The following KCNQ1 variants were observed in gnomAD, a reference collection of about 807,000 sequenced individuals.
The protein encoded by KCNQ1 is potassium voltage-gated channel subfamily Q member 1.
A neutral mutation model predicts 72.4 loss-of-function variants in KCNQ1; 49 were observed. The observed-to-expected ratio is 0.68, with a 90% CI of 0.54 to 0.86. KCNQ1 has a LOEUF of 0.86. KCNQ1 is among the 40% of genes least tolerant of loss of function. The pLI is 0.00. For synonymous variants in KCNQ1, 450 were observed against 412.6 expected (o/e 1.09, Z -1.10); for missense variants, 790 against 945.1 (o/e 0.84, Z 2.15).
chr11:2,690,024 G>T lies in KCNQ1; in HGVS notation c.1514+27943G>T. 2.5e-6 allele frequency: 1 copy of T among 398,926 alleles called. No individual in the cohort carries two copies. The highest frequency in any genetic ancestry group is 4.4e-6 in the Non-Finnish European group (1 of 226,316). 24.7% of individuals were successfully genotyped at this position (398,926 alleles called of 1,614,324 possible). ...AACTGTTGAGGAAGGTGAGCCTTCC[G>T]AGGGCCAGCCCTGCCTCTCCTCCCC... On this transcript the variant is annotated intron_variant, in intron 11 of 15. Transcript: ENST00000155840. The surrounding 1 kb of genome is among the most constrained non-coding windows in gnomAD (Gnocchi z 5.1).
chr11:2,636,917 G>C (rs538542338), intron 10 of KCNQ1: 8 of 152,064 alleles, frequency 5.3e-5, no homozygotes, highest in Non-Finnish European at 1.5e-5. Flanking sequence ...GTCTTGGAAG[G>C]GTGTATGTCT....
At chr11:2,763,647 T>C (rs2133976372) in intron 11 of KCNQ1, among the ~76,000 whole-genome samples, 1 of 152,290 alleles carries the variant, frequency 6.6e-6, no homozygotes, top group Non-Finnish European at 1.5e-5. Context: ...AGCCTTGAGC[T>C]CCTGGGCTCA....
rs1023021558 is a variant in KCNQ1 at position 2,679,825 on chromosome 11, C to T, written c.1514+17744C>T. 2.5e-6 allele frequency: 1 copy of T among 398,626 alleles called. No homozygotes were observed. Among genetic ancestry groups the T allele is most frequent in the Non-Finnish European group, 4.4e-6 (1 of 226,066 alleles). 24.7% of individuals were successfully genotyped at this position (398,626 alleles called of 1,614,324 possible). On this transcript the variant is annotated intron_variant, in intron 11 of 15. Coordinates refer to ENST00000155840, the MANE Select transcript of KCNQ1 (RefSeq NM_000218.3). This position sits in a 1 kb window ranked among gnomAD's most constrained non-coding sequence, Gnocchi z 4.8. ...AGGAGCACAAGGGGCCAGACTGCTGCTACTTCTGAATTTTATAGGACATGC... is the reference window on the plus strand; with the variant it reads ...AGGAGCACAAGGGGCCAGACTGCTGTTACTTCTGAATTTTATAGGACATGC...
At chr11:2,741,240 G>A (rs1846044391) in intron 11 of KCNQ1, among the ~76,000 whole-genome samples, 2 of 152,160 alleles carry the variant, frequency 1.3e-5, no homozygotes. Flanking sequence ...TGAGGACAGG[G>A]CCTCCTGTGA....
rs1289893996 is a variant in KCNQ1 at position 2,687,491 on chromosome 11, G to A, written c.1514+25410G>A. On this transcript the variant is annotated intron_variant, in intron 11 of 15. Coordinates refer to ENST00000155840, the MANE Select transcript of KCNQ1 (RefSeq NM_000218.3). The surrounding 1 kb of genome is among the most constrained non-coding windows in gnomAD (Gnocchi z 5.0). ...GCAGCATTTCAATAGGGCCATCCCA[G>A]GCACCCTAGGACTTGAGACCAGCCT... The A allele has an allele frequency of 7.5e-6, 3 of 398,668 alleles. No individual in the cohort carries two copies. 24.7% of individuals were successfully genotyped at this position (398,668 alleles called of 1,614,324 possible).
At position 2,835,123 on chromosome 11, in the gene KCNQ1, A is replaced by G. The variant is rs557162300; in HGVS notation, c.1795-12644A>G. On this transcript the variant is annotated intron_variant, in intron 15 of 15. Transcript: ENST00000155840. Reference sequence around the variant, plus strand: ...CTGCCCGCCCGTCTGGGTCAGCCGCAGCTGCAAACCGGCCCTGGCTGAGTC... The same window carrying G: ...CTGCCCGCCCGTCTGGGTCAGCCGCGGCTGCAAACCGGCCCTGGCTGAGTC... 1.8e-3 allele frequency among the ~76,000 whole-genome samples: 273 copies of G among 152,242 alleles called. 1 individual carries two copies. The highest frequency in any genetic ancestry group is 2.0e-3 in the Non-Finnish European group (137 of 67,984).
At position 2,704,424 on chromosome 11, in the gene KCNQ1, G is replaced by A. The variant is rs1850873545; in HGVS notation, c.1514+42343G>A. 6.6e-6 allele frequency among the ~76,000 whole-genome samples: 1 copy of A among 152,202 alleles called. No homozygotes were observed. Among genetic ancestry groups the A allele is most frequent in the South Asian group, 2.1e-4 (1 of 4,828 alleles). ...GCCCCAGGTCTCTGCTGTACCCACAGGTGGCATGGACTCATGTCCCCACCC... is the reference window on the plus strand; with the variant it reads ...GCCCCAGGTCTCTGCTGTACCCACAAGTGGCATGGACTCATGTCCCCACCC... On this transcript the variant is annotated intron_variant, in intron 11 of 15. Transcript: ENST00000155840. This position sits in a 1 kb window ranked among gnomAD's most constrained non-coding sequence, Gnocchi z 4.3.
chr11:2,715,460 C>A lies in KCNQ1; in HGVS notation c.1514+53379C>A, dbSNP rs188698027. On this transcript the variant is annotated intron_variant, in intron 11 of 15. Transcript: ENST00000155840. The surrounding 1 kb of genome is among the most constrained non-coding windows in gnomAD (Gnocchi z 4.9). ...GGGGGAGGCCAGGGAGGACCCCCTG[C>A]AGCCTGGCTCAGGCAGGGGCATGTG... Among the ~76,000 whole-genome samples, 102 of 152,184 alleles carry A rather than the reference C, an allele frequency of 6.7e-4. 1 individual carries two copies. The highest frequency in any genetic ancestry group is 2.4e-3 in the African/African-American group (101 of 41,524).
At position 2,748,417 on chromosome 11, in the gene KCNQ1, G is replaced by A. The variant is rs1301112549; in HGVS notation, c.1515-20427G>A. ...TGTGGTGAGGTGTGCTGGTGGGGAG[G>A]GTCCCTATCAGATGCCCCTGGGTAC... is the stretch of plus-strand genomic sequence containing the variant. On this transcript the variant is annotated intron_variant, in intron 11 of 15. Coordinates refer to ENST00000155840, the MANE Select transcript of KCNQ1 (RefSeq NM_000218.3). This position sits in a 1 kb window ranked among gnomAD's most constrained non-coding sequence, Gnocchi z 6.2. Among the ~76,000 whole-genome samples, 1 of 152,120 alleles carries A rather than the reference G, an allele frequency of 6.6e-6. No homozygotes were observed. Among genetic ancestry groups the A allele is most frequent in the African/African-American group, 2.4e-5 (1 of 41,420 alleles).
Position 2,727,343 on chromosome 11 carries a change from C to T in KCNQ1, c.1515-41501C>T, listed in dbSNP as rs1299657444. Reference sequence around the variant, plus strand: ...AGGTTCTGTTTCTTCATCTGTAAAACAGGGACAATCACGGTAGCTACGTGT... The same window carrying T: ...AGGTTCTGTTTCTTCATCTGTAAAATAGGGACAATCACGGTAGCTACGTGT... On this transcript the variant is annotated intron_variant, in intron 11 of 15. Coordinates refer to ENST00000155840, the MANE Select transcript of KCNQ1 (RefSeq NM_000218.3). 2.0e-5 allele frequency among the ~76,000 whole-genome samples: 3 copies of T among 152,194 alleles called. No homozygotes were observed. In the East Asian group the frequency reaches 5.8e-4, roughly 29 times the overall value.
At chr11:2,777,145 T>G (rs1366047344) in intron 14 of KCNQ1, 113 bp downstream of exon 14, 2 of 1,037,098 alleles carry the variant, frequency 1.9e-6, no homozygotes, top group Non-Finnish European at 3.0e-6. Flanking sequence ...ACCTCCAAAG[T>G]GCATGACATG....
At position 2,462,625 on chromosome 11, in the gene KCNQ1, G is replaced by T. The variant is rs1436803746; in HGVS notation, c.386+17141G>T. On this transcript the variant is annotated intron_variant, in intron 1 of 15. Transcript: ENST00000155840. The surrounding 1 kb of genome is among the most constrained non-coding windows in gnomAD (Gnocchi z 8.2). ...CTGCAGGTGCTTTCTGCTGACTTCT[G>T]TGTGCCCTGGGGCCTGCTCTCTTGG... Among the ~76,000 whole-genome samples, 3 of 152,010 alleles carry T rather than the reference G, an allele frequency of 2.0e-5. No individual in the cohort carries two copies. Among genetic ancestry groups the T allele is most frequent in the Non-Finnish European group, 4.4e-5 (3 of 68,000 alleles).
Position 2,479,450 on chromosome 11 carries a change from G to A in KCNQ1, c.386+33966G>A, listed in dbSNP as rs1246479702. On this transcript the variant is annotated intron_variant, in intron 1 of 15. Coordinates refer to ENST00000155840, the MANE Select transcript of KCNQ1 (RefSeq NM_000218.3). The surrounding 1 kb of genome is among the most constrained non-coding windows in gnomAD (Gnocchi z 4.6). The stretch of plus-strand genomic sequence containing the variant: ...ATTCTTGACTTCTGTGCACCCACAG[G>A]CTCAACACCACATGGAAGCTACCAA... Among the ~76,000 whole-genome samples, 1 of 152,328 alleles carries A rather than the reference G, an allele frequency of 6.6e-6. No individual in the cohort carries two copies. The highest frequency in any genetic ancestry group is 6.5e-5 in the Admixed American group (1 of 15,304).
At chr11:2,688,154 T>A (rs1850523777) in intron 11 of KCNQ1, 1 of 398,472 alleles carries the variant, frequency 2.5e-6, no homozygotes, top group Non-Finnish European at 4.4e-6. Flanking sequence ...CCCACGCAGC[T>A]CCCTAGGCCT....
chr11:2,555,000 C>T (rs981510324), intron 2 of KCNQ1, among the ~76,000 whole-genome samples: 3 of 152,222 alleles, frequency 2.0e-5, no homozygotes, highest in Non-Finnish European at 4.4e-5. Flanking sequence ...CACACACGCG[C>T]TGACACACGT....
rs144556955 is a variant in KCNQ1, at chr11:2,625,954, G to T, written c.1394-36007G>T. ...AATCTGGACATTAATCCCTTATCAG[G>T]TATGTGATTTGCAAATTTTTCTCCC... is the stretch of plus-strand genomic sequence containing the variant. On this transcript the variant is annotated intron_variant, in intron 10 of 15. Transcript: ENST00000155840. The T allele has an allele frequency of 1.8e-5, 7 of 398,478 alleles. 1 individual carries two copies. The East Asian group carries it at 2.5e-4, about 14-fold the overall frequency. 24.7% of individuals were successfully genotyped at this position (398,478 alleles called of 1,614,324 possible). A position where few individuals can be genotyped will look rare whatever the true frequency, so the allele number is the denominator to read the frequency against.
At chr11:2,836,745 C>A (rs891897028) in intron 15 of KCNQ1, among the ~76,000 whole-genome samples, 1 of 152,220 alleles carries the variant, frequency 6.6e-6, no homozygotes, top group African/African-American at 2.4e-5. Context: ...TCGCCTCACT[C>A]GTGCTAAACC....
intron 11 of KCNQ1, among the ~76,000 whole-genome samples, chr11:2,708,114 C>T (rs1327948339): frequency 6.6e-6 from 1 of 152,244 alleles, no homozygotes; most frequent in Non-Finnish European, 1.5e-5. Context: ...AGACCACGCT[C>T]ATGAATTGTT....
At chr11:2,609,035 C>G in intron 10 of KCNQ1, 1 of 398,128 alleles carries the variant, frequency 2.5e-6, no homozygotes, top group African/African-American at 2.1e-5. Context: ...TTTATTTCTA[C>G]TCTAATATTT....
Sources: allele counts gnomAD v4.1 joint callset (sites outside exome capture counted in the v4.1 genomes callset), GRCh38; gene constraint gnomAD v4.1.1; non-coding constraint Gnocchi (gnomAD v3.1); transcripts MANE v1.5; gene names NCBI Gene and HGNC (gene_info 2026-07-23, HGNC 2026-07-21).